Variants in APCDD1 observed in about 807,000 individuals in gnomAD.
The protein encoded by APCDD1 is APC down-regulated 1.
APCDD1 carries 15 observed loss-of-function variants against 38.1 expected under a neutral mutation model. The ratio of observed to expected loss-of-function variants is 0.39; its 90% CI spans 0.26 to 0.61. The LOEUF (loss-of-function observed/expected upper bound fraction) is 0.61. Ranked by LOEUF, APCDD1 falls within the 20% of genes least tolerant of loss-of-function variation. The pLI is 0.49. For missense variants in APCDD1, 647 were observed against 696.2 expected (o/e 0.93, Z 0.79); for synonymous variants, 261 against 279.7 (o/e 0.93, Z 0.67).
chr18:10,454,832 G>C lies in APCDD1; in HGVS notation c.-150G>C. 1 of 1,003,902 alleles carries C rather than the reference G, an allele frequency of 1.0e-6. No individual in the cohort carries two copies. The highest frequency in any genetic ancestry group is 1.2e-6 in the Non-Finnish European group (1 of 843,550). 62.2% of individuals were successfully genotyped at this position (1,003,902 alleles called of 1,614,324 possible). A position where few individuals can be genotyped will look rare whatever the true frequency, so the allele number is the denominator to read the frequency against. On this transcript the variant is annotated 5_prime_UTR_variant, in exon 1 of 5. Coordinates refer to ENST00000355285, the MANE Select transcript of APCDD1 (RefSeq NM_153000.5). ...CGCGCGCCCCGCAGCCCCGCGCCTA[G>C]CCCGCCGGGCATGGGGCGCGCGGCA... is the stretch of plus-strand genomic sequence containing the variant.
chr18:10,458,122 A>G (rs1289465851), intron 1 of APCDD1, among the ~76,000 whole-genome samples: 1 of 152,246 alleles, frequency 6.6e-6, no homozygotes, highest in Non-Finnish European at 1.5e-5. Context: ...AGCATGAGGT[A>G]TCCAGAATAA....
chr18:10,458,961 GA>G (rs2030456059), intron 1 of APCDD1, among the ~76,000 whole-genome samples: 2 of 152,292 alleles, frequency 1.3e-5, no homozygotes, highest in South Asian at 4.1e-4. Flanking sequence ...TCCAGTTTGG[GA>G]ATAAAATTAT....
rs563904768 is a variant in APCDD1 at position 10,471,860 on chromosome 18, AGAG to A, written c.577_579del (p.Glu193del). On this transcript the variant is annotated inframe_deletion, in exon 3 of 5. Coordinates refer to ENST00000355285, the MANE Select transcript of APCDD1 (RefSeq NM_153000.5). This position sits in a 1 kb window ranked among gnomAD's most constrained non-coding sequence, Gnocchi z 5.5. ...AGGACGTGGCCTATGACCTCTGGCG[AGAG>A]GAGAACGGCTGTGAGTGCACCAAGG... The A allele has an allele frequency of 1.3e-4, 203 of 1,614,148 alleles. No homozygotes were observed. The African/African-American group carries it at 2.5e-3, about 20-fold the overall frequency.
At position 10,488,139 on chromosome 18, in the gene APCDD1, G is replaced by A. The variant is rs1039840873; in HGVS notation, c.*101G>A. 2.1e-6 allele frequency: 3 copies of A among 1,399,368 alleles called. No homozygotes were observed. Among genetic ancestry groups the A allele is most frequent in the Admixed American group, 1.9e-5 (1 of 51,600 alleles). The allele number at this position is 1,399,368 out of a possible 1,614,324, so 86.7% of individuals were successfully genotyped here. A position where few individuals can be genotyped will look rare whatever the true frequency, so the allele number is the denominator to read the frequency against. ...ATTTATTCTTTTGATGCACTTGAATGCCAGAGAACTGTCCTTCTTTTTCTC... is the reference window on the plus strand; with the variant it reads ...ATTTATTCTTTTGATGCACTTGAATACCAGAGAACTGTCCTTCTTTTTCTC... On this transcript the variant is annotated 3_prime_UTR_variant, in exon 5 of 5. Coordinates refer to ENST00000355285, the MANE Select transcript of APCDD1 (RefSeq NM_153000.5).
At position 10,459,035 on chromosome 18, in the gene APCDD1, T is replaced by G. The variant is rs187275404; in HGVS notation, c.58+3996T>G. On this transcript the variant is annotated intron_variant, in intron 1 of 4. Coordinates refer to ENST00000355285, the MANE Select transcript of APCDD1 (RefSeq NM_153000.5). Reference sequence around the variant, plus strand: ...TTGGAGAAAGGATATGGTATCATCCTAAAATTATTAAGGATATTCTGTTCT... The same window carrying G: ...TTGGAGAAAGGATATGGTATCATCCGAAAATTATTAAGGATATTCTGTTCT... Among the ~76,000 whole-genome samples the G allele has an allele frequency of 3.5e-4, 53 of 152,330 alleles. No individual in the cohort carries two copies. The East Asian group carries it at 9.6e-3, about 28-fold the overall frequency.
At position 10,472,468 on chromosome 18, in the gene APCDD1, C is replaced by A. The variant is rs1247700651; in HGVS notation, c.774+407C>A. ...TACTAAACAATAGCAGCTACCCAGG[C>A]CCTGGAGGAGGCGGGGAGGGACAGA... On this transcript the variant is annotated intron_variant, in intron 3 of 4. Transcript: ENST00000355285. The surrounding 1 kb of genome is among the most constrained non-coding windows in gnomAD (Gnocchi z 6.6). Among the ~76,000 whole-genome samples the A allele has an allele frequency of 6.6e-6, 1 of 152,288 alleles. No homozygotes were observed. The highest frequency in any genetic ancestry group is 1.5e-5 in the Non-Finnish European group (1 of 68,018).
intron 1 of APCDD1, among the ~76,000 whole-genome samples, chr18:10,465,664 G>A (rs78683205): frequency 1.4e-3 from 219 of 152,310 alleles, no homozygotes; most frequent in African/African-American, 5.0e-3. Flanking sequence ...TCTGTCACAC[G>A]TGCAGCAGTG....
rs988570088 is a variant in APCDD1, at chr18:10,461,690, C to T, written c.58+6651C>T. Among the ~76,000 whole-genome samples the T allele has an allele frequency of 2.0e-5, 3 of 152,166 alleles. No individual in the cohort carries two copies. In the South Asian group the frequency reaches 6.2e-4, roughly 32 times the overall value. On this transcript the variant is annotated intron_variant, in intron 1 of 4. Transcript: ENST00000355285. ...GAAAGGCATATATTAGATGACTTAC[C>T]CAAAACCACTTTGAAGACCAAAAAC...
chr18:10,485,662 C>T lies in APCDD1; in HGVS notation c.975C>T (p.His325=). 6.2e-7 allele frequency: 1 copy of T among 1,614,198 alleles called. No homozygotes were observed. The highest frequency in any genetic ancestry group is 8.5e-7 in the Non-Finnish European group (1 of 1,180,040). The change falls in exon 4 of 5, where the codon CAC becomes CAT. Residue 325 remains histidine, a synonymous_variant. Coordinates refer to ENST00000355285, the MANE Select transcript of APCDD1 (RefSeq NM_153000.5). This position sits in a 1 kb window ranked among gnomAD's most constrained non-coding sequence, Gnocchi z 5.8. ...ACAACAACAACACCTGGGAGGGCCA[C>T]TACTACCACTACTCAGACCCGGTGT... is the stretch of plus-strand genomic sequence containing the variant. The part of the protein sequence containing the change: ...FHDNNNTWEG[H]YYHYSDPVCK...
intron 4 of APCDD1, among the ~76,000 whole-genome samples, chr18:10,486,810 G>A (rs2031259403): frequency 2.0e-5 from 3 of 152,162 alleles, no homozygotes. Context: ...GGCGTTCCAG[G>A]GTTCAGTCCC....
At position 10,460,947 on chromosome 18, in the gene APCDD1, A is replaced by C. The variant is rs568046137; in HGVS notation, c.58+5908A>C. ...TCAGGGGATGTGAACAGTTAACCTG[A>C]CACACAGGCCTTTTATTTAGGGCAT... On this transcript the variant is annotated intron_variant, in intron 1 of 4. Coordinates refer to ENST00000355285, the MANE Select transcript of APCDD1 (RefSeq NM_153000.5). Among the ~76,000 whole-genome samples the C allele has an allele frequency of 6.6e-5, 10 of 152,316 alleles. No homozygotes were observed. The South Asian group carries it at 2.1e-3, about 32-fold the overall frequency.
chr18:10,479,634 G>A (rs371181620), intron 3 of APCDD1, among the ~76,000 whole-genome samples: 11 of 152,256 alleles, frequency 7.2e-5, no homozygotes, highest in African/African-American at 2.2e-4. Flanking sequence ...CAAGTCCTAA[G>A]ACCAAATTAC....
chr18:10,481,433 A>G (rs1456975784), intron 3 of APCDD1, among the ~76,000 whole-genome samples: 4 of 152,212 alleles, frequency 2.6e-5, no homozygotes, highest in Admixed American at 2.6e-4. Flanking sequence ...AACAGGCCAG[A>G]TACAAAAAGA....
intron 1 of APCDD1, among the ~76,000 whole-genome samples, chr18:10,466,994 A>C (rs574382291): frequency 1.3e-5 from 2 of 152,354 alleles, no homozygotes; most frequent in Admixed American, 6.5e-5. Context: ...CTGTCTTTCC[A>C]TCTCAAAGCC....
Position 10,471,399 on chromosome 18 carries a change from A to C in APCDD1, c.243-131A>C. 8.4e-7 allele frequency: 1 copy of C among 1,186,960 alleles called. No homozygotes were observed. 73.5% of individuals were successfully genotyped at this position (1,186,960 alleles called of 1,614,324 possible). On this transcript the variant is annotated intron_variant, in intron 2 of 4. Transcript: ENST00000355285. This position sits in a 1 kb window ranked among gnomAD's most constrained non-coding sequence, Gnocchi z 5.5. ...GGAGTCAATGAGTTGGTATCTATAA[A>C]GGGCTGACAACAGAGTCTGGCCCAT... is the stretch of plus-strand genomic sequence containing the variant.
At chr18:10,487,306 C>T (rs2031268619) in intron 4 of APCDD1, among the ~76,000 whole-genome samples, 1 of 152,178 alleles carries the variant, frequency 6.6e-6, no homozygotes, top group Non-Finnish European at 1.5e-5. Flanking sequence ...TGCAGGCACT[C>T]CCAGCTGTAT....
rs182577255 is a variant in APCDD1, at chr18:10,476,746, C to T, written c.774+4685C>T. On this transcript the variant is annotated intron_variant, in intron 3 of 4. Transcript: ENST00000355285. This position sits in a 1 kb window ranked among gnomAD's most constrained non-coding sequence, Gnocchi z 5.8. Reference sequence around the variant, plus strand: ...CCCCAGGCTGTGCATCTGAAATACTCGATCCCAGCACATGTACAGCAGGGG... The same window carrying T: ...CCCCAGGCTGTGCATCTGAAATACTTGATCCCAGCACATGTACAGCAGGGG... 2.6e-5 allele frequency: 4 copies of T among 152,292 alleles called. No homozygotes were observed. The highest frequency in any genetic ancestry group is 1.3e-4 in the Admixed American group (2 of 15,302). 9.4% of individuals were successfully genotyped at this position (152,292 alleles called of 1,614,324 possible).
chr18:10,466,213 C>T (rs1204023162), intron 1 of APCDD1, among the ~76,000 whole-genome samples: 2 of 152,214 alleles, frequency 1.3e-5, no homozygotes, highest in Non-Finnish European at 2.9e-5. Flanking sequence ...GACTGCCTAG[C>T]AGGGACACTG....
chr18:10,454,666 G>T lies in APCDD1; in HGVS notation c.-316G>T, dbSNP rs764048233. On this transcript the variant is annotated 5_prime_UTR_variant, in exon 1 of 5. Transcript: ENST00000355285. ...ACGCTGCAGCTGCGGTGGCGGTGGC[G>T]GCCACTGCAGCTCAGAGCGGCGCAC... 72 of 1,028,866 alleles carry T rather than the reference G, an allele frequency of 7.0e-5. No individual in the cohort carries two copies. The African/African-American group carries it at 1.0e-3, about 15-fold the overall frequency. The allele number at this position is 1,028,866 out of a possible 1,614,324, so 63.7% of individuals were successfully genotyped here.
Sources: gnomAD v4.1 joint callset for allele counts (sites outside exome capture counted in the v4.1 genomes callset) on GRCh38, gnomAD v4.1.1 for gene constraint, Gnocchi (gnomAD v3.1) non-coding constraint, MANE v1.5 for transcripts, NCBI Gene and HGNC (gene_info 2026-07-23, HGNC 2026-07-21) for gene names.